The following DYNC1I1 variants were observed in gnomAD, a reference collection of about 807,000 sequenced individuals.
The protein encoded by DYNC1I1 is cytoplasmic dynein 1 intermediate chain 1.
A neutral mutation model predicts 86.6 loss-of-function variants in DYNC1I1; 43 were observed. The observed-to-expected ratio is 0.50, with a 90% CI of 0.39 to 0.64. The LOEUF (loss-of-function observed/expected upper bound fraction) is 0.64, where lower values mean the gene tolerates loss of function less well. Ranked by LOEUF, DYNC1I1 falls within the 30% of genes least tolerant of loss-of-function variation. DYNC1I1 has a pLI of 0.00. For missense variants in DYNC1I1, 604 were observed against 788.8 expected (o/e 0.77, Z 2.81); for synonymous variants, 262 against 283.7 (o/e 0.92, Z 0.77).
At chr7:96,074,425 C>T (rs1790266541) in intron 14 of DYNC1I1, among the ~76,000 whole-genome samples, 1 of 152,046 alleles carries the variant, frequency 6.6e-6, no homozygotes, top group Non-Finnish European at 1.5e-5. Context: ...GTGGCGGGCA[C>T]CTGTAGTCCC....
At chr7:95,805,534 C>A (rs1156433269) in intron 2 of DYNC1I1, among the ~76,000 whole-genome samples, 2 of 152,060 alleles carry the variant, frequency 1.3e-5, no homozygotes, top group African/African-American at 2.4e-5. Context: ...CAGCAGAGAC[C>A]CAGAGGTGAA....
At position 95,848,689 on chromosome 7, in the gene DYNC1I1, G is replaced by A. The variant is rs546569238; in HGVS notation, c.374+20573G>A. Among the ~76,000 whole-genome samples the A allele has an allele frequency of 2.6e-5, 4 of 152,092 alleles. No homozygotes were observed. In the South Asian group the frequency reaches 8.3e-4, roughly 32 times the overall value. On this transcript the variant is annotated intron_variant, in intron 5 of 16. Coordinates refer to ENST00000447467, the MANE Select transcript of DYNC1I1 (RefSeq NM_001135556.2). The stretch of plus-strand genomic sequence containing the variant: ...TTGTGAATGATACTGCAGTGAACAT[G>A]GGGGTACAAATACCTCTCTGACATG...
chr7:95,985,024 T>C (rs1219156418), intron 8 of DYNC1I1, 47 bp downstream of exon 8: 31 of 1,589,244 alleles, frequency 2.0e-5, no homozygotes, highest in Non-Finnish European at 2.6e-5. Flanking sequence ...AAGTTATCTG[T>C]TAATTCTAAT....
At chr7:96,061,738 A>G (rs1183958664) in intron 14 of DYNC1I1, among the ~76,000 whole-genome samples, 1 of 147,420 alleles carries the variant, frequency 6.8e-6, no homozygotes, top group East Asian at 2.0e-4. Flanking sequence ...ACACACACGC[A>G]CACAAACACA....
intron 14 of DYNC1I1, among the ~76,000 whole-genome samples, chr7:96,075,854 G>A (rs1399577374): frequency 2.7e-5 from 4 of 148,580 alleles, no homozygotes; most frequent in Non-Finnish European, 4.5e-5. Flanking sequence ...CCAGCCCCTT[G>A]AGAGGCCCCC....
intron 2 of DYNC1I1, among the ~76,000 whole-genome samples, chr7:95,808,692 A>C (rs1378325122): frequency 6.6e-6 from 1 of 152,164 alleles, no homozygotes; most frequent in Non-Finnish European, 1.5e-5. Flanking sequence ...TGTCTTTAGG[A>C]AAGTGATTGA....
chr7:96,036,962 T>C (rs538430230), intron 13 of DYNC1I1, among the ~76,000 whole-genome samples: 1 of 152,322 alleles, frequency 6.6e-6, no homozygotes, highest in African/African-American at 2.4e-5. Context: ...GTAGTTCTTA[T>C]TCCATTGATT....
downstream of DYNC1I1, among the ~76,000 whole-genome samples, chr7:96,099,006 T>C (rs1791086862): frequency 6.6e-6 from 1 of 152,192 alleles, no homozygotes; most frequent in Non-Finnish European, 1.5e-5. Flanking sequence ...GCCTACAATA[T>C]TTAGATATTG....
chr7:95,929,191 C>A (rs1010152890), intron 6 of DYNC1I1, among the ~76,000 whole-genome samples: 1 of 152,110 alleles, frequency 6.6e-6, no homozygotes. Flanking sequence ...CCCTAACCTC[C>A]CAGGGTGCCC....
chr7:95,980,436 T>C (rs1459382383), intron 7 of DYNC1I1, among the ~76,000 whole-genome samples: 1 of 151,938 alleles, frequency 6.6e-6, no homozygotes, highest in East Asian at 1.9e-4. Context: ...TTACGAACCT[T>C]GCGTTTCAAG....
chr7:96,031,441 G>A (rs1794804935), intron 11 of DYNC1I1, among the ~76,000 whole-genome samples: 1 of 152,102 alleles, frequency 6.6e-6, no homozygotes. Flanking sequence ...GCACTGCACT[G>A]GAAGTATCTC....
chr7:95,892,125 G>A (rs150361434), intron 6 of DYNC1I1, among the ~76,000 whole-genome samples: 3 of 151,806 alleles, frequency 2.0e-5, no homozygotes, highest in African/African-American at 7.3e-5. Context: ...GCACCACCAT[G>A]CCCAGCTAAT....
chr7:95,913,549 C>A (rs1053485398), intron 6 of DYNC1I1, among the ~76,000 whole-genome samples: 3 of 152,232 alleles, frequency 2.0e-5, no homozygotes, highest in African/African-American at 7.2e-5. Flanking sequence ...TGTATGCACT[C>A]TCTTGCCTGC....
chr7:95,930,857 C>T (rs963015979), intron 6 of DYNC1I1, among the ~76,000 whole-genome samples: 2 of 152,150 alleles, frequency 1.3e-5, no homozygotes, highest in Non-Finnish European at 2.9e-5. Context: ...TTGGTTGCTC[C>T]ATAAGCTTTT....
At chr7:95,846,625 C>CTGTGTGTGTGTGTGTGTGTGTGTGTG (rs1461596857) in intron 5 of DYNC1I1, among the ~76,000 whole-genome samples, 1 of 132,682 alleles carries the variant, frequency 7.5e-6, no homozygotes, top group Non-Finnish European at 1.6e-5. Flanking sequence ...AAATCTCTCT[C>CTGTGTGTGTGTGTGTGTGTGTGTGTG]TCTGTGTGTG....
chr7:96,107,824 C>T (rs569772893), intron 16 of DYNC1I1, among the ~76,000 whole-genome samples: 1 of 151,402 alleles, frequency 6.6e-6, no homozygotes, highest in Non-Finnish European at 1.5e-5. Context: ...CCACGCCCGG[C>T]CTTCTTCATT....
At chr7:95,783,248 G>T (rs1794042844) in intron 1 of DYNC1I1, among the ~76,000 whole-genome samples, 1 of 152,090 alleles carries the variant, frequency 6.6e-6, no homozygotes, top group Admixed American at 6.5e-5. Flanking sequence ...GGAATAACAG[G>T]TTCCCAGAAA....
intron 6 of DYNC1I1, among the ~76,000 whole-genome samples, chr7:95,886,059 G>A (rs892070227): frequency 6.6e-6 from 1 of 152,234 alleles, no homozygotes; most frequent in East Asian, 1.9e-4. Context: ...TACTTGCCCA[G>A]TACAATATGC....
intron 7 of DYNC1I1, among the ~76,000 whole-genome samples, chr7:95,979,064 G>T (rs1299391973): frequency 6.6e-6 from 1 of 152,190 alleles, no homozygotes; most frequent in Non-Finnish European, 1.5e-5. Context: ...AAAGTGCTGG[G>T]ATTATAGGCG....
Sources: gnomAD v4.1 joint callset for allele counts (sites outside exome capture counted in the v4.1 genomes callset) on GRCh38, gnomAD v4.1.1 for gene constraint, MANE v1.5 for transcripts, NCBI Gene and HGNC (gene_info 2026-07-23, HGNC 2026-07-21) for gene names.